Variants in VAT1L observed in about 807,000 individuals in gnomAD.
The protein encoded by VAT1L is putative NADPH-dependent quinone oxidoreductase VAT1L.
Under a neutral mutation model 44.1 loss-of-function variants are expected in VAT1L, and 34 were observed. That is an observed-to-expected ratio of 0.77 (90% CI 0.59 to 1.03). The LOEUF (loss-of-function observed/expected upper bound fraction) is 1.03, where lower values mean the gene tolerates loss of function less well. Ranked by LOEUF, VAT1L falls within the 50% of genes least tolerant of loss-of-function variation. The pLI is 0.00. For missense variants in VAT1L, 615 were observed against 538.8 expected (o/e 1.14, Z -1.40); for synonymous variants, 253 against 202.2 (o/e 1.25, Z -2.13).
intron 7 of VAT1L, among the ~76,000 whole-genome samples, chr16:77,932,253 G>A (rs1399632043): frequency 1.3e-5 from 2 of 151,836 alleles, no homozygotes; most frequent in Admixed American, 6.6e-5. Flanking sequence ...ACAGGCGCCC[G>A]CCACCACAGC....
intron 1 of VAT1L, among the ~76,000 whole-genome samples, chr16:77,803,897 C>T (rs1361495694): frequency 6.6e-6 from 1 of 152,170 alleles, no homozygotes; most frequent in African/African-American, 2.4e-5. Flanking sequence ...GCTGAGAGAA[C>T]AGGAACAAGG....
chr16:77,974,407 A>G (rs1330441319), intron 8 of VAT1L, among the ~76,000 whole-genome samples: 1 of 152,206 alleles, frequency 6.6e-6, no homozygotes, highest in Non-Finnish European at 1.5e-5. Flanking sequence ...TGTCCATCAC[A>G]CATGAGTTGC....
At chr16:77,829,916 C>T (rs902330115) in intron 3 of VAT1L, among the ~76,000 whole-genome samples, 1 of 152,140 alleles carries the variant, frequency 6.6e-6, no homozygotes, top group African/African-American at 2.4e-5. Context: ...AGGCAGTAAG[C>T]AAGCATCATT....
At chr16:77,792,949 C>T (rs1284192473) in intron 1 of VAT1L, among the ~76,000 whole-genome samples, 1 of 152,144 alleles carries the variant, frequency 6.6e-6, no homozygotes, top group Non-Finnish European at 1.5e-5. Context: ...CCATTATTAT[C>T]TAAACTTTTA....
At chr16:77,816,260 T>A (rs1158714057) in intron 1 of VAT1L, among the ~76,000 whole-genome samples, 1 of 152,188 alleles carries the variant, frequency 6.6e-6, no homozygotes, top group African/African-American at 2.4e-5. Context: ...ATAACTTAGA[T>A]TTTTGAAACA....
intron 7 of VAT1L, among the ~76,000 whole-genome samples, chr16:77,940,674 AT>A: frequency 6.6e-6 from 1 of 152,138 alleles, no homozygotes; most frequent in East Asian, 1.9e-4. Flanking sequence ...AAAAGTTAAT[AT>A]GAATTTTGCA....
chr16:77,872,287 A>T (rs1222035181), intron 4 of VAT1L, among the ~76,000 whole-genome samples: 3 of 152,118 alleles, frequency 2.0e-5, no homozygotes, highest in Non-Finnish European at 4.4e-5. Flanking sequence ...AGCCATTCTT[A>T]GGGTCCTTCT....
rs1271846721 is a variant in VAT1L at position 77,851,157 on chromosome 16, C to T, written c.580-11591C>T. 2.6e-5 allele frequency among the ~76,000 whole-genome samples: 4 copies of T among 152,338 alleles called. No individual in the cohort carries two copies. In the East Asian group the frequency reaches 5.8e-4, roughly 22 times the overall value. ...TAGGGCTCACAGCTCTGCCCGGCAA[C>T]AGATACTAGCCCGTCTTTCTAATTC... On this transcript the variant is annotated intron_variant, in intron 3 of 8. Coordinates refer to ENST00000302536, the MANE Select transcript of VAT1L (RefSeq NM_020927.3).
chr16:77,862,413 G>C (rs531448838), intron 3 of VAT1L, among the ~76,000 whole-genome samples: 2 of 151,978 alleles, frequency 1.3e-5, no homozygotes, highest in African/African-American at 4.8e-5. Flanking sequence ...TCAGGAGTTC[G>C]AGACCAGCCT....
At chr16:77,874,719 G>A (rs2017069028) in intron 4 of VAT1L, among the ~76,000 whole-genome samples, 1 of 151,540 alleles carries the variant, frequency 6.6e-6, no homozygotes, top group East Asian at 2.0e-4. Flanking sequence ...ATTTATTTGT[G>A]TAATTATTGG....
chr16:77,811,916 G>A (rs1164529445), intron 1 of VAT1L, among the ~76,000 whole-genome samples: 1 of 152,098 alleles, frequency 6.6e-6, no homozygotes, highest in East Asian at 1.9e-4. Context: ...GTTTGAAACA[G>A]AGCCCACAGG....
chr16:77,938,415 T>C lies in VAT1L; in HGVS notation c.1078-33435T>C, dbSNP rs1462298413. Among the ~76,000 whole-genome samples, 6 of 152,350 alleles carry C rather than the reference T, an allele frequency of 3.9e-5. No individual in the cohort carries two copies. In the East Asian group the frequency reaches 1.2e-3, roughly 29 times the overall value. On this transcript the variant is annotated intron_variant, in intron 7 of 8. Coordinates refer to ENST00000302536, the MANE Select transcript of VAT1L (RefSeq NM_020927.3). ...TACTGTGTGGGTGACATTGTTTAAA[T>C]ATGTGTCCTCATCAAATCTCATGTT...
At chr16:77,936,381 T>A (rs1332009644) in intron 7 of VAT1L, among the ~76,000 whole-genome samples, 1 of 152,116 alleles carries the variant, frequency 6.6e-6, no homozygotes, top group Non-Finnish European at 1.5e-5. Context: ...AGCCTCAGTC[T>A]CCTCAAGTCA....
At chr16:77,828,578 G>C (rs573199070) in intron 3 of VAT1L, among the ~76,000 whole-genome samples, 1 of 152,172 alleles carries the variant, frequency 6.6e-6, no homozygotes, top group Non-Finnish European at 1.5e-5. Flanking sequence ...CAGGAGAATC[G>C]CTTGAAGCCG....
chr16:77,911,706 C>G (rs946356296), intron 7 of VAT1L, among the ~76,000 whole-genome samples: 1 of 152,120 alleles, frequency 6.6e-6, no homozygotes, highest in African/African-American at 2.4e-5. Flanking sequence ...CGTGCAGACT[C>G]TGGGTCCACA....
chr16:77,960,899 T>C (rs950428802), intron 7 of VAT1L, among the ~76,000 whole-genome samples: 37 of 151,968 alleles, frequency 2.4e-4, no homozygotes, highest in African/African-American at 8.5e-4. Flanking sequence ...CCAATTAAAT[T>C]TTCCCCATGG....
At position 77,884,814 on chromosome 16, in the gene VAT1L, G is replaced by A. The variant is rs755389730; in HGVS notation, c.1077+12G>A. On this transcript the variant is annotated intron_variant, in intron 7 of 8. Coordinates refer to ENST00000302536, the MANE Select transcript of VAT1L (RefSeq NM_020927.3). The surrounding 1 kb of genome is among the most constrained non-coding windows in gnomAD (Gnocchi z 4.5). The stretch of plus-strand genomic sequence containing the variant: ...GGGCTCTGGAGGAGGTAAGAATGGT[G>A]CTTTTCTTCTGCAAATAAACTCCTC... The A allele has an allele frequency of 2.6e-5, 38 of 1,458,702 alleles. 1 individual carries two copies. In the South Asian group the frequency reaches 5.6e-4, roughly 22 times the overall value. 90.4% of individuals were successfully genotyped at this position (1,458,702 alleles called of 1,614,324 possible). A position where few individuals can be genotyped will look rare whatever the true frequency, so the allele number is the denominator to read the frequency against.
intron 7 of VAT1L, among the ~76,000 whole-genome samples, chr16:77,911,298 T>C (rs1003063274): frequency 5.9e-5 from 9 of 152,158 alleles, no homozygotes; most frequent in African/African-American, 2.2e-4. Context: ...AGCAAAACAA[T>C]GAGGTGATTG....
intron 3 of VAT1L, among the ~76,000 whole-genome samples, chr16:77,853,614 G>A (rs2016827888): frequency 6.6e-6 from 1 of 152,008 alleles, no homozygotes; most frequent in African/African-American, 2.4e-5. Flanking sequence ...GAATCCCCTA[G>A]AGGGCCTGTT....
Sources: gnomAD v4.1 joint callset for allele counts (sites outside exome capture counted in the v4.1 genomes callset) on GRCh38, gnomAD v4.1.1 for gene constraint, Gnocchi (gnomAD v3.1) non-coding constraint, MANE v1.5 for transcripts, NCBI Gene and HGNC (gene_info 2026-07-23, HGNC 2026-07-21) for gene names.